The following CHMP3 variants were observed in gnomAD, a reference collection of about 807,000 sequenced individuals.
The protein encoded by CHMP3 is 25.1 protein.
CHMP3 carries 8 observed loss-of-function variants against 27.4 expected under a neutral mutation model. The ratio of observed to expected loss-of-function variants is 0.29; its 90% CI spans 0.17 to 0.53. CHMP3 has a LOEUF of 0.53. CHMP3 is among the 20% of genes least tolerant of loss of function. The pLI is 0.96. For synonymous variants in CHMP3, 86 were observed against 85.5 expected (o/e 1.01, Z -0.03); for missense variants, 208 against 271.5 (o/e 0.77, Z 1.64).
At chr2:86,556,424 T>C (rs946932518) in intron 1 of CHMP3, among the ~76,000 whole-genome samples, 1 of 152,214 alleles carries the variant, frequency 6.6e-6, no homozygotes, top group African/African-American at 2.4e-5. Context: ...TCCAGGTGTT[T>C]TCTCTCACCA....
Position 86,505,595 on chromosome 2 carries a change from T to C in CHMP3, c.*209A>G. 1.9e-6 allele frequency: 1 copy of C among 522,676 alleles called. No individual in the cohort carries two copies. Among genetic ancestry groups the C allele is most frequent in the South Asian group, 8.2e-5 (1 of 12,206 alleles). 32.4% of individuals were successfully genotyped at this position (522,676 alleles called of 1,614,324 possible). A position where few individuals can be genotyped will look rare whatever the true frequency, so the allele number is the denominator to read the frequency against. On this transcript the variant is annotated 3_prime_UTR_variant, in exon 6 of 6. Transcript: ENST00000263856. The stretch of plus-strand genomic sequence containing the variant: ...TCCCCTCCCCACAATAAGATATATC[T>C]GTCTATACTCCTAAAAATGATGCAT...
At chr2:86,510,258 T>C (rs1675047232) in intron 4 of CHMP3, 100 bp downstream of exon 4, 2 of 1,512,954 alleles carry the variant, frequency 1.3e-6, no homozygotes, top group Non-Finnish European at 1.8e-6. Context: ...CTAGCAGGTG[T>C]AGTCTGTTCA....
intron 4 of CHMP3, 86 bp downstream of exon 4, chr2:86,510,272 C>T (rs1264676047): frequency 3.1e-6 from 4 of 1,298,764 alleles, no homozygotes; most frequent in Non-Finnish European, 4.3e-6. Flanking sequence ...CTGTTCATCC[C>T]CACCCACCCT....
intron 2 of CHMP3, among the ~76,000 whole-genome samples, chr2:86,535,715 AGTC>A (rs1402663910): frequency 6.6e-6 from 1 of 152,176 alleles, no homozygotes; most frequent in African/African-American, 2.4e-5. Flanking sequence ...CATGTTGGTC[AGTC>A]TGGTCTCGAA....
intron 2 of CHMP3, among the ~76,000 whole-genome samples, chr2:86,540,228 T>C (rs1296121206): frequency 6.6e-6 from 1 of 152,142 alleles, no homozygotes; most frequent in African/African-American, 2.4e-5. Flanking sequence ...GCAAGCTTAA[T>C]AGTTTTCATC....
intron 2 of CHMP3, among the ~76,000 whole-genome samples, chr2:86,529,742 C>T (rs1048288713): frequency 2.6e-5 from 4 of 152,160 alleles, no homozygotes. Context: ...TCTATACAGT[C>T]ACCAATCATT....
At chr2:86,527,254 A>G (rs973558714) in intron 3 of CHMP3, 1 of 151,966 alleles carries the variant, frequency 6.6e-6, no homozygotes, top group Non-Finnish European at 1.5e-5. Flanking sequence ...ACCAAAAAAA[A>G]AAAAGATAAA....
chr2:86,548,557 G>A (rs924831393), intron 1 of CHMP3, among the ~76,000 whole-genome samples: 1 of 152,212 alleles, frequency 6.6e-6, no homozygotes, highest in African/African-American at 2.4e-5. Context: ...TCTTAGTACA[G>A]AACAAAATGG....
intron 3 of CHMP3, among the ~76,000 whole-genome samples, chr2:86,519,484 G>T (rs1232775837): frequency 1.3e-5 from 2 of 152,116 alleles, no homozygotes; most frequent in Non-Finnish European, 2.9e-5. Flanking sequence ...ACAGGAATTG[G>T]ACTTTAAAAT....
intron 2 of CHMP3, among the ~76,000 whole-genome samples, chr2:86,539,435 T>C (rs927496116): frequency 2.0e-5 from 3 of 152,164 alleles, no homozygotes; most frequent in African/African-American, 7.2e-5. Flanking sequence ...AAATCCATGA[T>C]CTTTTTCCTA....
intron 1 of CHMP3, chr2:86,562,069 C>T (rs1031422162): frequency 6.6e-6 from 1 of 152,204 alleles, no homozygotes; most frequent in South Asian, 2.1e-4. Context: ...TTAAGCGCCA[C>T]AATTTTTATT....
rs746507439 is a variant in CHMP3 at position 86,505,964 on chromosome 2, C to T, written c.524-15G>A. On this transcript the variant is annotated splice_polypyrimidine_tract_variant and intron_variant, in intron 5 of 5. Transcript: ENST00000263856. ...GCCCAAGGCCCCTGAAAAGAAAGAG[C>T]AAAGATGAACACCACATTGGCTTAA... 2.9e-5 allele frequency: 44 copies of T among 1,539,936 alleles called. No homozygotes were observed. The highest frequency in any genetic ancestry group is 3.8e-5 in the Admixed American group (2 of 52,506).
At chr2:86,563,225 AAG>A (rs1558666902) in intron 1 of CHMP3, 77 bp downstream of exon 1, 7 of 1,535,390 alleles carry the variant, frequency 4.6e-6, no homozygotes, top group Admixed American at 3.5e-5. Flanking sequence ...CGGTGGGGAG[AAG>A]AGTGTCCTGT....
intron 3 of CHMP3, among the ~76,000 whole-genome samples, chr2:86,521,285 G>A (rs1011751209): frequency 2.6e-5 from 4 of 152,102 alleles, no homozygotes; most frequent in Non-Finnish European, 5.9e-5. Flanking sequence ...TCACATGGAC[G>A]CGCATGAAAA....
At chr2:86,513,513 A>T (rs2104746846) in intron 3 of CHMP3, among the ~76,000 whole-genome samples, 1 of 152,334 alleles carries the variant, frequency 6.6e-6, no homozygotes, top group African/African-American at 2.4e-5. Flanking sequence ...GGTGATAATG[A>T]CATGTAAATA....
chr2:86,549,073 G>GAT, intron 1 of CHMP3, among the ~76,000 whole-genome samples: 1 of 150,036 alleles, frequency 6.7e-6, no homozygotes, highest in East Asian at 2.0e-4. Flanking sequence ...CTTCCCAGAC[G>GAT]GGGTGGCGGC....
chr2:86,529,495 A>G (rs1675832627), intron 2 of CHMP3, 98 bp from the exon 3 acceptor site: 1 of 1,178,376 alleles, frequency 8.5e-7, no homozygotes, highest in Middle Eastern at 2.3e-4. Context: ...ATTAAATAGA[A>G]AAACATATAG....
chr2:86,561,362 T>C (rs923838463), intron 1 of CHMP3, among the ~76,000 whole-genome samples: 3 of 152,206 alleles, frequency 2.0e-5, no homozygotes, highest in African/African-American at 2.4e-5. Flanking sequence ...TGGTTCAATA[T>C]GTTAGCTAAA....
intron 1 of CHMP3, among the ~76,000 whole-genome samples, chr2:86,550,568 A>C (rs914317884): frequency 2.0e-5 from 3 of 152,226 alleles, no homozygotes; most frequent in Admixed American, 2.0e-4. Context: ...GACTCCATTA[A>C]GAAAGTAAAA....
Sources: allele counts gnomAD v4.1 joint callset (sites outside exome capture counted in the v4.1 genomes callset), GRCh38; gene constraint gnomAD v4.1.1; transcripts MANE v1.5; gene names NCBI Gene and HGNC (gene_info 2026-07-23, HGNC 2026-07-21).